The following ZFPM2 variants were observed in gnomAD, a reference collection of about 807,000 sequenced individuals.
The protein encoded by ZFPM2 is zinc finger protein, FOG family member 2.
A neutral mutation model predicts 98.6 loss-of-function variants in ZFPM2; 20 were observed. The observed-to-expected ratio is 0.20, with a 90% CI of 0.14 to 0.29. The LOEUF (loss-of-function observed/expected upper bound fraction) is 0.29. Ranked by LOEUF, ZFPM2 falls within the 10% of genes least tolerant of loss-of-function variation. ZFPM2 has a pLI of 1.00. For missense variants in ZFPM2, 1,310 were observed against 1,388.6 expected (o/e 0.94, Z 0.90); for synonymous variants, 518 against 502.7 (o/e 1.03, Z -0.41).
intron 5 of ZFPM2, among the ~76,000 whole-genome samples, chr8:105,650,585 C>G (rs1030487298): frequency 6.6e-6 from 1 of 152,088 alleles, no homozygotes; most frequent in Non-Finnish European, 1.5e-5. Flanking sequence ...TGTCTTTGTT[C>G]TCATTGGTTT....
intron 5 of ZFPM2, among the ~76,000 whole-genome samples, chr8:105,771,047 T>G (rs569326693): frequency 3.3e-5 from 5 of 152,174 alleles, no homozygotes; most frequent in Non-Finnish European, 5.9e-5. Context: ...TGAGTGTTGA[T>G]AAAGGAAGAG....
intron 5 of ZFPM2, among the ~76,000 whole-genome samples, chr8:105,640,144 TTAAG>T (rs1320256976): frequency 1.3e-5 from 2 of 152,006 alleles, no homozygotes; most frequent in African/African-American, 4.8e-5. Context: ...TTTCGATGGG[TTAAG>T]TAAGTTAAAA....
At chr8:105,452,914 A>G (rs574471615) in intron 3 of ZFPM2, among the ~76,000 whole-genome samples, 15 of 152,356 alleles carry the variant, frequency 9.8e-5, no homozygotes, top group African/African-American at 3.1e-4. Context: ...CGTATCTGGA[A>G]AGCTGAAAGA....
chr8:105,377,615 A>C lies in ZFPM2; in HGVS notation c.41-41529A>C, dbSNP rs1463022570. On this transcript the variant is annotated intron_variant, in intron 1 of 7. Transcript: ENST00000407775. ...CGTTTTTCTTAAAAATCCAAAAAAA[A>C]AAAAAAAAAAAAAAAAAAGCCAGAT... 5.3e-3 allele frequency among the ~76,000 whole-genome samples: 782 copies of C among 146,756 alleles called. 23 individuals carry two copies. Among genetic ancestry groups the C allele is most frequent in the Middle Eastern group, 0.014 (4 of 286 alleles).
intron 3 of ZFPM2, among the ~76,000 whole-genome samples, chr8:105,488,037 C>T (rs1302165973): frequency 1.3e-5 from 2 of 151,594 alleles, no homozygotes; most frequent in Non-Finnish European, 2.9e-5. Context: ...TACCTCTGCC[C>T]CAACATATAT....
intron 1 of ZFPM2, among the ~76,000 whole-genome samples, chr8:105,399,263 A>G (rs1811286241): frequency 6.6e-6 from 1 of 152,170 alleles, no homozygotes; most frequent in Non-Finnish European, 1.5e-5. Context: ...CAAGCAATGG[A>G]TTGTAGGAGT....
intron 3 of ZFPM2, among the ~76,000 whole-genome samples, chr8:105,500,335 T>C (rs1351115662): frequency 2.6e-5 from 4 of 152,146 alleles, no homozygotes; most frequent in Non-Finnish European, 4.4e-5. Flanking sequence ...CTTGCTTAAA[T>C]TTGAGAATAA....
At chr8:105,356,803 T>A (rs1812755573) in intron 1 of ZFPM2, among the ~76,000 whole-genome samples, 1 of 152,154 alleles carries the variant, frequency 6.6e-6, no homozygotes, top group African/African-American at 2.4e-5. Flanking sequence ...CATTTCTATT[T>A]CTTGCCTGCC....
chr8:105,326,863 A>T (rs1404686681), intron 1 of ZFPM2, among the ~76,000 whole-genome samples: 8 of 148,688 alleles, frequency 5.4e-5, no homozygotes, highest in African/African-American at 1.5e-4. Context: ...TATATATATA[A>T]AATAAGCTAT....
At chr8:105,532,173 A>G (rs1279575979) in intron 3 of ZFPM2, among the ~76,000 whole-genome samples, 1 of 152,172 alleles carries the variant, frequency 6.6e-6, no homozygotes, top group African/African-American at 2.4e-5. Context: ...AATTGTTGGA[A>G]TTACAGGTGT....
intron 3 of ZFPM2, among the ~76,000 whole-genome samples, chr8:105,455,708 T>A (rs1296481554): frequency 1.3e-5 from 2 of 152,204 alleles, no homozygotes; most frequent in East Asian, 3.9e-4. Context: ...ATATATTTGT[T>A]AGTGTCATTA....
intron 5 of ZFPM2, among the ~76,000 whole-genome samples, chr8:105,762,034 A>G (rs914147674): frequency 2.0e-5 from 3 of 151,960 alleles, no homozygotes; most frequent in Non-Finnish European, 4.4e-5. Context: ...ATGTTAATTC[A>G]TAGCATAAGT....
At chr8:105,737,447 A>G (rs1242338517) in intron 5 of ZFPM2, 1 of 153,466 alleles carries the variant, frequency 6.5e-6, no homozygotes, top group African/African-American at 2.4e-5. Context: ...CAATGTTGAC[A>G]ATCTCATTGA....
intron 5 of ZFPM2, among the ~76,000 whole-genome samples, chr8:105,757,125 A>G (rs1244901784): frequency 2.6e-5 from 4 of 152,200 alleles, no homozygotes; most frequent in African/African-American, 4.8e-5. Flanking sequence ...GTGGGGAAAT[A>G]TAGTCCAACC....
At chr8:105,656,482 C>A (rs537798641) in intron 5 of ZFPM2, among the ~76,000 whole-genome samples, 1 of 152,260 alleles carries the variant, frequency 6.6e-6, no homozygotes, top group South Asian at 2.1e-4. Context: ...TGTCTCCCCC[C>A]ACCAACCACA....
chr8:105,649,566 A>T (rs552232078), intron 5 of ZFPM2, among the ~76,000 whole-genome samples: 539 of 152,274 alleles, frequency 3.5e-3, no homozygotes, highest in Admixed American at 6.7e-3. Context: ...TCAATACCTA[A>T]TTTATTGAGA....
chr8:105,525,086 T>C (rs2130562021), intron 3 of ZFPM2, among the ~76,000 whole-genome samples: 1 of 152,336 alleles, frequency 6.6e-6, no homozygotes, highest in Non-Finnish European at 1.5e-5. Context: ...TGTAAAATCC[T>C]ACAGTGTAAT....
intron 4 of ZFPM2, among the ~76,000 whole-genome samples, chr8:105,577,459 T>C (rs1283596686): frequency 5.8e-5 from 5 of 86,372 alleles, no homozygotes; most frequent in Non-Finnish European, 8.8e-5. Context: ...AATAAAATAA[T>C]CTTATGAAGT....
chr8:105,702,647 T>G (rs556076607), intron 5 of ZFPM2, among the ~76,000 whole-genome samples: 22 of 152,328 alleles, frequency 1.4e-4, no homozygotes, highest in Admixed American at 1.0e-3. Context: ...ATAAAGAAAT[T>G]GGTTGTTCAT....
Sources: gnomAD v4.1 joint callset for allele counts (sites outside exome capture counted in the v4.1 genomes callset) on GRCh38, gnomAD v4.1.1 for gene constraint, MANE v1.5 for transcripts, NCBI Gene and HGNC (gene_info 2026-07-23, HGNC 2026-07-21) for gene names.